The following PKLR variants were observed in gnomAD, a reference collection of about 807,000 sequenced individuals.
PKLR encodes the protein pyruvate kinase L/R, also known as pyruvate kinase PKLR.
In PKLR, 38 loss-of-function variants were observed where a neutral mutation model predicts 53.6. That is an observed-to-expected ratio of 0.71 (90% CI 0.55 to 0.93). The LOEUF (loss-of-function observed/expected upper bound fraction) is 0.93. Among genes scored for constraint, PKLR ranks in the 40% least tolerant of loss-of-function variants. The pLI, the probability that PKLR is intolerant of heterozygous loss-of-function variation, is 0.00. For missense variants in PKLR, 702 were observed against 787.3 expected (o/e 0.89, Z 1.30); for synonymous variants, 328 against 316.2 (o/e 1.04, Z -0.39).
In PKLR at chr1:155,293,385, T is replaced by A; in HGVS notation, c.1270-42A>T. On this transcript the variant is annotated intron_variant, in intron 8 of 10. Coordinates refer to ENST00000342741, the MANE Select transcript of PKLR (RefSeq NM_000298.6). The surrounding 1 kb of genome is among the most constrained non-coding windows in gnomAD (Gnocchi z 4.2). The stretch of plus-strand genomic sequence containing the variant: ...GTTAGTCTGGGAAGGGGCACTGGGG[T>A]ATGGAAGGGATTTGGTTCCCTGGCC... The A allele has an allele frequency of 6.2e-7, 1 of 1,614,130 alleles. No homozygotes were observed. The highest frequency in any genetic ancestry group is 8.5e-7 in the Non-Finnish European group (1 of 1,180,002).
intron 1 of PKLR, among the ~76,000 whole-genome samples, chr1:155,300,504 G>C (rs979622555): frequency 1.3e-5 from 2 of 152,084 alleles, no homozygotes; most frequent in Non-Finnish European, 2.9e-5. Flanking sequence ...GAAATAAATG[G>C]TCCAATATTA....
chr1:155,298,029 C>T (rs1237671776), intron 2 of PKLR, among the ~76,000 whole-genome samples: 1 of 152,052 alleles, frequency 6.6e-6, no homozygotes, highest in Non-Finnish European at 1.5e-5. Context: ...GCACTTAAAA[C>T]TTTCACTTTT....
At chr1:155,303,648 G>A (rs577521955), upstream of PKLR, among the ~76,000 whole-genome samples, 6 of 152,070 alleles carry the variant, frequency 3.9e-5, no homozygotes, top group Non-Finnish European at 8.8e-5. Flanking sequence ...TTTTGGAAGC[G>A]GAGTTTCACT....
intron 2 of PKLR, among the ~76,000 whole-genome samples, 172 bp downstream of exon 2, chr1:155,299,926 C>G (rs1319048040): frequency 6.6e-6 from 1 of 152,090 alleles, no homozygotes; most frequent in African/African-American, 2.4e-5. Context: ...CTGTTTTTTT[C>G]ACTGATCTAC....
In PKLR at chr1:155,295,794, A is replaced by G. The variant is rs754041950; in HGVS notation, c.284-38T>C. ...ATTCACGTTCAGACAACGTTCCCCCAGAACATGAGAGGCAACCAAACCCAA... is the reference window on the plus strand; with the variant it reads ...ATTCACGTTCAGACAACGTTCCCCCGGAACATGAGAGGCAACCAAACCCAA... On this transcript the variant is annotated intron_variant, in intron 2 of 10. Transcript: ENST00000342741. The surrounding 1 kb of genome is among the most constrained non-coding windows in gnomAD (Gnocchi z 4.3). The G allele has an allele frequency of 6.4e-7, 1 of 1,572,566 alleles. No individual in the cohort carries two copies. The highest frequency in any genetic ancestry group is 8.8e-7 in the Non-Finnish European group (1 of 1,142,530).
chr1:155,300,201 C>T lies in PKLR; in HGVS notation c.180G>A (p.Gln60=). The change falls in exon 2 of 11, where the codon CAG becomes CAA. Residue 60 remains glutamine (Q), a synonymous_variant. Coordinates refer to ENST00000342741, the MANE Select transcript of PKLR (RefSeq NM_000298.6). ...AGGTGTCTGCCATAGCAGCTGGCAG[C>T]TGCTGCTGCTGGAAGAAGGCAGTGC... The part of the protein sequence containing the change: ...ELGTAFFQQQ[Q]LPAAMADTFL... The T allele has an allele frequency of 6.2e-7, 1 of 1,613,230 alleles. No individual in the cohort carries two copies. Among genetic ancestry groups the T allele is most frequent in the South Asian group, 1.1e-5 (1 of 91,062 alleles).
chr1:155,294,809 G>T (rs1464255219), intron 5 of PKLR, 57 bp from the exon 6 acceptor site: 6 of 1,601,340 alleles, frequency 3.7e-6, no homozygotes, highest in Admixed American at 3.3e-5. Flanking sequence ...CACAGTTGCA[G>T]CAGAGAGGAC....
chr1:155,301,518 C>T, upstream of PKLR: 4 of 1,289,446 alleles, frequency 3.1e-6, no homozygotes, highest in South Asian at 1.2e-5. Context: ...GCCACCCTGT[C>T]CCCACAGAAT....
At position 155,295,143 on chromosome 1, in the gene PKLR, G is replaced by A; in HGVS notation, c.667C>T (p.Leu223Phe). Residue 223 changes from leucine (L) to phenylalanine (F), a missense_variant, in exon 5 of 11, where the codon CTC (leucine) becomes TTC (phenylalanine). Leu to Phe is a conservative substitution (Grantham distance 22). Transcript: ENST00000342741. The surrounding 1 kb of genome is among the most constrained non-coding windows in gnomAD (Gnocchi z 4.3). ...VGGRIYIDDG[L>F]ISLVVQKIGP... ...ATTTTCTGGACCACTAGGGAGATGA[G>A]CCCGTCGTCAATGTAGATGCGGCCC... 6.2e-7 allele frequency: 1 copy of A among 1,614,122 alleles called. No individual in the cohort carries two copies.
intron 1 of PKLR, chr1:155,300,879 AC>A (rs1219209456): frequency 6.2e-7 from 1 of 1,610,386 alleles, no homozygotes; most frequent in South Asian, 1.1e-5. Flanking sequence ...TTCCAGCCGC[AC>A]CTTCCATGCC....
chr1:155,295,257 C>G lies in PKLR; in HGVS notation c.553G>C (p.Val185Leu). The change falls in exon 5 of 11, where the codon GTG (valine) becomes CTG (leucine). Residue 185 changes from valine to leucine, a missense_variant. Physicochemically the swap from Val to Leu is conservative, Grantham distance 32 (BLOSUM62 1). Around this residue, in one of 2 missense-constraint regions of PKLR, gnomAD observed 519 missense variants for 537.1 expected, o/e 0.97. Transcript: ENST00000342741. The surrounding 1 kb of genome is among the most constrained non-coding windows in gnomAD (Gnocchi z 4.3). ...GTCCGGAACGCGGGGTCCACAGTCA[C>G]CAGCACCTGGGAGCCCTTCACCAGC... ...VELVKGSQVL[V>L]TVDPAFRTRG... 1 of 1,614,146 alleles carries G rather than the reference C, an allele frequency of 6.2e-7. No homozygotes were observed. The highest frequency in any genetic ancestry group is 8.5e-7 in the Non-Finnish European group (1 of 1,180,012).
Position 155,295,931 on chromosome 1 carries a change from A to T in PKLR, c.284-175T>A, listed in dbSNP as rs1647568283. ...CAGACTCCCCTTCCCTCTCAAGCCA[A>T]CATCCATCCCCTTGGGGAGGCAGCA... On this transcript the variant is annotated intron_variant, in intron 2 of 10. Coordinates refer to ENST00000342741, the MANE Select transcript of PKLR (RefSeq NM_000298.6). This position sits in a 1 kb window ranked among gnomAD's most constrained non-coding sequence, Gnocchi z 4.3. Among the ~76,000 whole-genome samples the T allele has an allele frequency of 1.3e-5, 2 of 152,142 alleles. No homozygotes were observed. The highest frequency in any genetic ancestry group is 4.8e-5 in the African/African-American group (2 of 41,430).
chr1:155,296,109 G>T lies in PKLR; in HGVS notation c.284-353C>A, dbSNP rs142339464. ...CAGGGGCTGGGAGCCAGGTGAGGGCGTTTGGGTGCGGGCTTTTAGAGCTAG... is the reference window on the plus strand; with the variant it reads ...CAGGGGCTGGGAGCCAGGTGAGGGCTTTTGGGTGCGGGCTTTTAGAGCTAG... On this transcript the variant is annotated intron_variant, in intron 2 of 10. Coordinates refer to ENST00000342741, the MANE Select transcript of PKLR (RefSeq NM_000298.6). Among the ~76,000 whole-genome samples, 1,405 of 152,288 alleles carry T rather than the reference G, an allele frequency of 9.2e-3. 9 individuals carry two copies. Among genetic ancestry groups the T allele is most frequent in the Middle Eastern group, 0.02 (6 of 294 alleles).
chr1:155,294,879 T>C (rs986100073), intron 5 of PKLR, 127 bp from the exon 6 acceptor site: 2 of 1,285,778 alleles, frequency 1.6e-6, no homozygotes, highest in Non-Finnish European at 2.2e-6. Context: ...TCCGCCCTTG[T>C]TCTGGGCTTC....
In PKLR at chr1:155,293,390, A is replaced by G. The variant is rs1391242471; in HGVS notation, c.1270-47T>C. On this transcript the variant is annotated intron_variant, in intron 8 of 10. Transcript: ENST00000342741. This position sits in a 1 kb window ranked among gnomAD's most constrained non-coding sequence, Gnocchi z 4.2. ...TCTGGGAAGGGGCACTGGGGTATGG[A>G]AGGGATTTGGTTCCCTGGCCCATTT... is the stretch of plus-strand genomic sequence containing the variant. The G allele has an allele frequency of 6.2e-7, 1 of 1,614,180 alleles. No homozygotes were observed. Among genetic ancestry groups the G allele is most frequent in the East Asian group, 2.2e-5 (1 of 44,878 alleles).
chr1:155,294,514 G>A lies in PKLR; in HGVS notation c.933C>T (p.Ile311=). ...CGCCTTCGTGGTTCTCAATTTTGCT[G>A]ATGATCTTGATGCCGTGTCCTTCCG... ...LGPEGHGIKI[I]SKIENHEGVK... Residue 311 remains isoleucine, a synonymous_variant, in exon 6 of 11, where the codon ATC becomes ATT. Transcript: ENST00000342741. The A allele has an allele frequency of 6.2e-7, 1 of 1,614,242 alleles. No homozygotes were observed. Among genetic ancestry groups the A allele is most frequent in the Non-Finnish European group, 8.5e-7 (1 of 1,180,042 alleles).
chr1:155,302,776 G>C (rs1648096911), upstream of PKLR, among the ~76,000 whole-genome samples: 1 of 151,750 alleles, frequency 6.6e-6, no homozygotes, highest in Non-Finnish European at 1.5e-5. Context: ...GGGCTCCAAC[G>C]ATCCTCCCAC....
rs8177970 is a variant in PKLR at position 155,295,870 on chromosome 1, T to G, written c.284-114A>C. 1 of 851,976 alleles carries G rather than the reference T, an allele frequency of 1.2e-6. No individual in the cohort carries two copies. Among genetic ancestry groups the G allele is most frequent in the African/African-American group, 1.7e-5 (1 of 59,972 alleles). The allele number at this position is 851,976 out of a possible 1,614,324, so 52.8% of individuals were successfully genotyped here. On this transcript the variant is annotated intron_variant, in intron 2 of 10. Coordinates refer to ENST00000342741, the MANE Select transcript of PKLR (RefSeq NM_000298.6). The surrounding 1 kb of genome is among the most constrained non-coding windows in gnomAD (Gnocchi z 4.3). ...ACGCCACAGGCGTCCTGTTACCTGA[T>G]CTTTATTCCCTGATGCAACCCCTGC...
Position 155,295,786 on chromosome 1 carries a change from G to T in PKLR, c.284-30C>A, listed in dbSNP as rs764332456. 37 of 1,594,040 alleles carry T rather than the reference G, an allele frequency of 2.3e-5. No individual in the cohort carries two copies. Among genetic ancestry groups the T allele is most frequent in the Non-Finnish European group, 2.9e-5 (34 of 1,162,066 alleles). On this transcript the variant is annotated intron_variant, in intron 2 of 10. Transcript: ENST00000342741. This position sits in a 1 kb window ranked among gnomAD's most constrained non-coding sequence, Gnocchi z 4.3. ...AACCAGAGATTCACGTTCAGACAAC[G>T]TTCCCCCAGAACATGAGAGGCAACC...
Sources: gnomAD v4.1 joint callset for allele counts (sites outside exome capture counted in the v4.1 genomes callset) on GRCh38, gnomAD v4.1.1 for gene constraint, gnomAD v4.1.1 regional missense constraint, Gnocchi (gnomAD v3.1) non-coding constraint, MANE v1.5 for transcripts, NCBI Gene and HGNC (gene_info 2026-07-23, HGNC 2026-07-21) for gene names.